The following LRRK2 variants were observed in gnomAD, a reference collection of about 807,000 sequenced individuals.
LRRK2 encodes the protein leucine-rich repeat serine/threonine-protein kinase 2.
In LRRK2, 203 loss-of-function variants were observed where a neutral mutation model predicts 302.6. The observed-to-expected ratio is 0.67, with a 90% CI of 0.60 to 0.75. The LOEUF (loss-of-function observed/expected upper bound fraction) is 0.75. Among genes scored for constraint, LRRK2 ranks in the 30% least tolerant of loss-of-function variants. LRRK2 has a pLI of 0.00. For missense variants in LRRK2, 2,830 were observed against 2,951.0 expected (o/e 0.96, Z 0.95); for synonymous variants, 1,066 against 1,031.9 (o/e 1.03, Z -0.63).
chr12:40,328,430 TAAAC>T lies in LRRK2; in HGVS notation c.5729_5732del (p.Lys1910IlefsTer7). The T allele has an allele frequency of 6.2e-7, 1 of 1,613,260 alleles. No homozygotes were observed. Among genetic ancestry groups the T allele is most frequent in the South Asian group, 1.1e-5 (1 of 91,006 alleles). Reference sequence around the variant, plus strand: ...AAGAAGTGGCTGTGAAGATTTTTAATAAACATACATCACTCAGGCTGTTAAGACA... The same window carrying T: ...AAGAAGTGGCTGTGAAGATTTTTAATATACATCACTCAGGCTGTTAAGACA... On this transcript the variant is annotated frameshift_variant, in exon 39 of 51. Transcript: ENST00000298910. LOFTEE classifies it high-confidence loss of function.
chr12:40,263,570 C>T (rs951476229), intron 13 of LRRK2, among the ~76,000 whole-genome samples: 8 of 152,126 alleles, frequency 5.3e-5, no homozygotes, highest in African/African-American at 1.9e-4. Flanking sequence ...ATTCAGTAAG[C>T]ATTCTTACAC....
At chr12:40,295,956 T>C (rs1319512138) in intron 23 of LRRK2, among the ~76,000 whole-genome samples, 2 of 152,190 alleles carry the variant, frequency 1.3e-5, no homozygotes, top group Admixed American at 6.5e-5. Context: ...ACTTCAACAA[T>C]TTAAATTAGA....
chr12:40,342,204 G>T (rs746180203), intron 41 of LRRK2, among the ~76,000 whole-genome samples: 6 of 152,180 alleles, frequency 3.9e-5, no homozygotes, highest in Non-Finnish European at 7.4e-5. Context: ...TCACTCTGTG[G>T]TCTAGGCCAG....
Position 40,364,882 on chromosome 12 carries a change from A to C in LRRK2, c.7222A>C (p.Met2408Leu). ...AGAAAACAAGGAATCAAAACACAAA[A>C]TGTCTTATTCTGGGAGAGTGAAAAC... ...VKENKESKHK[M>L]SYSGRVKTLC... The change falls in exon 49 of 51, where the codon ATG (methionine) becomes CTG (leucine). Residue 2408 changes from methionine to leucine, a missense_variant. By Grantham distance (15) the Met-to-Leu change is conservative. Around this residue, in one of 3 missense-constraint regions of LRRK2, gnomAD observed 456 missense variants for 456.3 expected, o/e 1.00. Transcript: ENST00000298910. 6.2e-7 allele frequency: 1 copy of C among 1,612,326 alleles called. No homozygotes were observed. Among genetic ancestry groups the C allele is most frequent in the Non-Finnish European group, 8.5e-7 (1 of 1,178,918 alleles).
intron 40 of LRRK2, among the ~76,000 whole-genome samples, chr12:40,335,829 TTGCTC>T (rs1945851336): frequency 6.6e-6 from 1 of 152,176 alleles, no homozygotes; most frequent in Non-Finnish European, 1.5e-5. Flanking sequence ...CCCTCTGCCA[TTGCTC>T]CCCAACCCCA....
At position 40,287,555 on chromosome 12, in the gene LRRK2, A is replaced by G. The variant is rs768812796; in HGVS notation, c.2689+16A>G. On this transcript the variant is annotated intron_variant, in intron 20 of 50. Coordinates refer to ENST00000298910, the MANE Select transcript of LRRK2 (RefSeq NM_198578.4). The stretch of plus-strand genomic sequence containing the variant: ...GATAGTGAAGGTATTTATTATAAAA[A>G]AAAACCCTTTATGCTTTATATTTAC... The G allele has an allele frequency of 5.0e-6, 8 of 1,610,486 alleles. No individual in the cohort carries two copies. In the Admixed American group the frequency reaches 1.3e-4, roughly 27 times the overall value.
At position 40,365,029 on chromosome 12, in the gene LRRK2, G is replaced by A; in HGVS notation, c.7369G>A (p.Val2457Ile). 1 of 1,612,376 alleles carries A rather than the reference G, an allele frequency of 6.2e-7. No individual in the cohort carries two copies. Among genetic ancestry groups the A allele is most frequent in the Non-Finnish European group, 8.5e-7 (1 of 1,178,872 alleles). Residue 2457 changes from valine (V) to isoleucine (I), a missense_variant, in exon 49 of 51, where the codon GTC becomes ATC. Physicochemically the swap from Val to Ile is conservative, Grantham distance 29. Transcript: ENST00000298910. ...VIYNFCNSVR[V>I]MMTAQLGSLK... ...TTACAACTTTTGTAATTCGGTCAGA[G>A]TCATGATGACAGCACAGCTAGGCAA...
chr12:40,294,489 A>C (rs1331062339), intron 21 of LRRK2, among the ~76,000 whole-genome samples: 3 of 152,106 alleles, frequency 2.0e-5, no homozygotes, highest in Admixed American at 2.0e-4. Flanking sequence ...TGAATCGGTT[A>C]AATTAGCTGT....
intron 7 of LRRK2, among the ~76,000 whole-genome samples, chr12:40,247,343 G>A (rs1942029029): frequency 6.6e-6 from 1 of 151,356 alleles, no homozygotes; most frequent in Non-Finnish European, 1.5e-5. Flanking sequence ...GACTAAAACT[G>A]TAAGATGATA....
At chr12:40,306,043 T>C in intron 28 of LRRK2, 77 bp downstream of exon 28, 1 of 1,085,044 alleles carries the variant, frequency 9.2e-7, no homozygotes, top group Admixed American at 2.3e-5. Context: ...GATGGACATA[T>C]ATTGTTACTA....
intron 23 of LRRK2, among the ~76,000 whole-genome samples, chr12:40,297,448 G>A (rs1367463768): frequency 6.6e-6 from 1 of 152,092 alleles, no homozygotes; most frequent in Non-Finnish European, 1.5e-5. Context: ...TAAACCTTGG[G>A]AATAATTTTA....
chr12:40,325,213 G>T (rs1565752816), intron 38 of LRRK2, among the ~76,000 whole-genome samples: 1 of 152,244 alleles, frequency 6.6e-6, no homozygotes, highest in East Asian at 1.9e-4. Flanking sequence ...CTTGAACCTG[G>T]GAGGCGGAGG....
In LRRK2 at chr12:40,302,850, C is replaced by T. The variant is rs202138031; in HGVS notation, c.3558C>T (p.Ser1186=). The change falls in exon 26 of 51, where the codon TCC becomes TCT. Residue 1186 remains serine, a synonymous_variant. Coordinates refer to ENST00000298910, the MANE Select transcript of LRRK2 (RefSeq NM_198578.4). ...TAAAATTATCTCAGAACAAATTTTC[C>T]TGTATTCCAGAAGCAATTTTAAATC... ...TILKLSQNKF[S]CIPEAILNLP... 6.2e-7 allele frequency: 1 copy of T among 1,609,364 alleles called. No homozygotes were observed. Among genetic ancestry groups the T allele is most frequent in the Admixed American group, 1.7e-5 (1 of 59,938 alleles).
intron 2 of LRRK2, among the ~76,000 whole-genome samples, chr12:40,227,186 G>A (rs565261463): frequency 6.6e-6 from 1 of 152,038 alleles, no homozygotes; most frequent in East Asian, 1.9e-4. Context: ...TTACTTTTTT[G>A]GATATATCAT....
chr12:40,326,311 A>G (rs1032782221), intron 38 of LRRK2, among the ~76,000 whole-genome samples: 2 of 151,852 alleles, frequency 1.3e-5, no homozygotes, highest in African/African-American at 4.8e-5. Context: ...AAAAATACAA[A>G]AAATTAGCCA....
chr12:40,343,669 T>G (rs11176118), intron 41 of LRRK2, among the ~76,000 whole-genome samples: 1 of 152,100 alleles, frequency 6.6e-6, no homozygotes, highest in African/African-American at 2.4e-5. Context: ...TTTTAGACAA[T>G]GAATCATATT....
intron 40 of LRRK2, among the ~76,000 whole-genome samples, chr12:40,339,474 GT>G (rs527443618): frequency 1.3e-5 from 2 of 152,146 alleles, no homozygotes; most frequent in East Asian, 3.9e-4. Flanking sequence ...ACTTTACACT[GT>G]TTTTTTATAT....
intron 46 of LRRK2, among the ~76,000 whole-genome samples, chr12:40,356,493 GA>G (rs34073451): frequency 0.77 from 116,712 of 151,910 alleles, 45,673 homozygotes; most frequent in Non-Finnish European, 0.86. Context: ...ATATATTGTG[GA>G]AAAAAAACAA....
chr12:40,352,454 C>G (rs1381347928), intron 44 of LRRK2, among the ~76,000 whole-genome samples: 2 of 113,070 alleles, frequency 1.8e-5, no homozygotes, highest in East Asian at 2.3e-4. Flanking sequence ...AACATTAGTT[C>G]TGAGGTTAAA....
Sources: gnomAD v4.1 joint callset for allele counts (sites outside exome capture counted in the v4.1 genomes callset) on GRCh38, gnomAD v4.1.1 for gene constraint, gnomAD v4.1.1 regional missense constraint, MANE v1.5 for transcripts, NCBI Gene and HGNC (gene_info 2026-07-23, HGNC 2026-07-21) for gene names.